Variants in SLC16A12 observed in about 807,000 individuals in gnomAD.
The protein encoded by SLC16A12 is monocarboxylate transporter 12.
SLC16A12 carries 17 observed loss-of-function variants against 42.4 expected under a neutral mutation model. That is an observed-to-expected ratio of 0.40 (90% CI 0.27 to 0.60). The LOEUF (loss-of-function observed/expected upper bound fraction) is 0.60. Among genes scored for constraint, SLC16A12 ranks in the 20% least tolerant of loss-of-function variants. The pLI is 0.42. For missense variants in SLC16A12, 544 were observed against 623.0 expected (o/e 0.87, Z 1.35); for synonymous variants, 224 against 229.4 (o/e 0.98, Z 0.21).
At chr10:89,513,715 C>CT (rs1843200100) in intron 2 of SLC16A12, among the ~76,000 whole-genome samples, 1 of 152,008 alleles carries the variant, frequency 6.6e-6, no homozygotes, top group Admixed American at 6.6e-5. Flanking sequence ...AAATCAGAGA[C>CT]CAGTAGAACA....
chr10:89,484,419 A>C (rs997378578), intron 2 of SLC16A12, among the ~76,000 whole-genome samples: 1 of 152,220 alleles, frequency 6.6e-6, no homozygotes, highest in African/African-American at 2.4e-5. Flanking sequence ...TCTTGTCCTA[A>C]GGATTTCTGA....
intron 2 of SLC16A12, among the ~76,000 whole-genome samples, chr10:89,530,996 TA>T: frequency 6.6e-6 from 1 of 152,232 alleles, no homozygotes; most frequent in African/African-American, 2.4e-5. Context: ...CATGTGTTGA[TA>T]TATTTTTTTT....
chr10:89,482,236 C>CAAAAAAAAAAAAAAAAAAAAA, intron 2 of SLC16A12, among the ~76,000 whole-genome samples: 1 of 106,500 alleles, frequency 9.4e-6, no homozygotes, highest in Non-Finnish European at 1.9e-5. Context: ...AAGAATACAC[C>CAAAAAAAAAAAAAAAAAAAAA]AAAAAAAAAA....
intron 2 of SLC16A12, among the ~76,000 whole-genome samples, chr10:89,497,844 C>T (rs1431381792): frequency 6.6e-6 from 1 of 152,088 alleles, no homozygotes; most frequent in African/African-American, 2.4e-5. Context: ...GGTCTCAGAG[C>T]TATATTTTAT....
At chr10:89,507,506 T>C (rs552515818) in intron 2 of SLC16A12, among the ~76,000 whole-genome samples, 76 of 152,262 alleles carry the variant, frequency 5.0e-4, no homozygotes, top group African/African-American at 1.7e-3. Context: ...ATAAAATTCT[T>C]TACAGACAAG....
chr10:89,449,739 A>G (rs562818018), intron 3 of SLC16A12, among the ~76,000 whole-genome samples: 2 of 152,254 alleles, frequency 1.3e-5, no homozygotes, highest in African/African-American at 4.8e-5. Flanking sequence ...AATGGCAACA[A>G]AAGCCAAAAT....
At chr10:89,513,484 A>G (rs550935569) in intron 2 of SLC16A12, among the ~76,000 whole-genome samples, 10 of 152,346 alleles carry the variant, frequency 6.6e-5, no homozygotes, top group South Asian at 2.1e-4. Flanking sequence ...AAAATCTGAC[A>G]CTAAAATTAG....
At chr10:89,434,741 T>C (rs973990050) in intron 7 of SLC16A12, among the ~76,000 whole-genome samples, 1 of 152,236 alleles carries the variant, frequency 6.6e-6, no homozygotes, top group African/African-American at 2.4e-5. Flanking sequence ...GAGAACTTGT[T>C]CACTCTCTCA....
intron 2 of SLC16A12, among the ~76,000 whole-genome samples, chr10:89,498,376 G>A (rs957922732): frequency 4.6e-5 from 7 of 152,148 alleles, no homozygotes; most frequent in African/African-American, 1.7e-4. Context: ...AATTGATTGA[G>A]ATTAATTACA....
At chr10:89,490,611 G>C (rs571231297) in intron 2 of SLC16A12, among the ~76,000 whole-genome samples, 1 of 152,312 alleles carries the variant, frequency 6.6e-6, no homozygotes, top group South Asian at 2.1e-4. Context: ...AAGGTATGGG[G>C]GGCCGGGATT....
chr10:89,482,555 C>A (rs1229307119), intron 2 of SLC16A12, among the ~76,000 whole-genome samples: 2 of 151,830 alleles, frequency 1.3e-5, no homozygotes, highest in African/African-American at 4.8e-5. Flanking sequence ...CTGAGGTGGG[C>A]AAATTGCTTG....
intron 2 of SLC16A12, among the ~76,000 whole-genome samples, chr10:89,484,552 C>T (rs1842719325): frequency 6.6e-6 from 1 of 152,056 alleles, no homozygotes; most frequent in Non-Finnish European, 1.5e-5. Flanking sequence ...TTGTTATTAT[C>T]ACTGCCATTG....
At chr10:89,494,088 A>T (rs1842887172) in intron 2 of SLC16A12, among the ~76,000 whole-genome samples, 1 of 152,226 alleles carries the variant, frequency 6.6e-6, no homozygotes, top group South Asian at 2.1e-4. Flanking sequence ...ATAATACAGT[A>T]ATGTTTAGTA....
chr10:89,512,583 T>C (rs1265448436), intron 2 of SLC16A12, among the ~76,000 whole-genome samples: 2 of 152,184 alleles, frequency 1.3e-5, no homozygotes, highest in African/African-American at 2.4e-5. Context: ...AAAAGGACAG[T>C]GTTCAGAGAG....
chr10:89,545,838 C>T (rs1284689030), intron 2 of SLC16A12, among the ~76,000 whole-genome samples: 1 of 152,170 alleles, frequency 6.6e-6, no homozygotes, highest in Non-Finnish European at 1.5e-5. Flanking sequence ...CAGCATGGTA[C>T]TGGTACCAAA....
At position 89,444,690 on chromosome 10, in the gene SLC16A12, T is replaced by C. The variant is rs950932628; in HGVS notation, c.201-831A>G. On this transcript the variant is annotated intron_variant, in intron 3 of 7. Coordinates refer to ENST00000371790, the MANE Select transcript of SLC16A12 (RefSeq NM_213606.4). The stretch of plus-strand genomic sequence containing the variant: ...GGTCTGCAGCTCCCAGCGTGATTGA[T>C]GCAGAAGACAGGTGATTTCTGCATT... Among the ~76,000 whole-genome samples the C allele has an allele frequency of 4.6e-5, 7 of 152,340 alleles. No homozygotes were observed. In the East Asian group the frequency reaches 1.2e-3, roughly 25 times the overall value.
chr10:89,435,635 C>G (rs1335270504), intron 7 of SLC16A12, among the ~76,000 whole-genome samples: 1 of 152,204 alleles, frequency 6.6e-6, no homozygotes, highest in Non-Finnish European at 1.5e-5. Context: ...CCCAGTTCCT[C>G]TGTCTGGCAC....
chr10:89,538,160 G>A (rs1843692611), upstream of SLC16A12, among the ~76,000 whole-genome samples: 1 of 152,238 alleles, frequency 6.6e-6, no homozygotes, highest in South Asian at 2.1e-4. Context: ...ATTGGGGGTG[G>A]AGAATGTTGG....
At chr10:89,506,861 C>T (rs1843070770) in intron 2 of SLC16A12, among the ~76,000 whole-genome samples, 1 of 151,906 alleles carries the variant, frequency 6.6e-6, no homozygotes, top group African/African-American at 2.4e-5. Flanking sequence ...ACTAGAATAA[C>T]CAGTGTAGAG....
Sources: allele counts gnomAD v4.1 joint callset (sites outside exome capture counted in the v4.1 genomes callset), GRCh38; gene constraint gnomAD v4.1.1; transcripts MANE v1.5; gene names NCBI Gene and HGNC (gene_info 2026-07-23, HGNC 2026-07-21).